RAPGEF4: variants seen among roughly 807,000 people sequenced by gnomAD.
RAPGEF4 encodes Rap guanine nucleotide exchange factor 4, also known as RAP guanine-nucleotide-exchange factor (GEF) 4.
A neutral mutation model predicts 147.9 loss-of-function variants in RAPGEF4; 66 were observed. The ratio of observed to expected loss-of-function variants is 0.45; its 90% CI spans 0.37 to 0.55. The LOEUF is 0.55. Ranked by LOEUF, RAPGEF4 falls within the 20% of genes least tolerant of loss-of-function variation. RAPGEF4 has a pLI of 0.00. For synonymous variants in RAPGEF4, 419 were observed against 442.7 expected, an observed-to-expected ratio of 0.95 and a Z score of 0.67; for missense variants, 1,071 against 1,257.3, an observed-to-expected ratio of 0.85 and a Z score of 2.24.
At chr2:172,935,814 A>G (rs1296893367) in intron 6 of RAPGEF4, among the ~76,000 whole-genome samples, 2 of 152,238 alleles carry the variant, frequency 1.3e-5, no homozygotes, top group Non-Finnish European at 2.9e-5. Flanking sequence ...TTAGATGTGG[A>G]TGCTCCAACA....
At chr2:172,850,992 T>A (rs1692753449) in intron 4 of RAPGEF4, among the ~76,000 whole-genome samples, 2 of 152,176 alleles carry the variant, frequency 1.3e-5, no homozygotes, top group African/African-American at 4.8e-5. Flanking sequence ...AGCTTTGGGG[T>A]TGGTTCACTC....
chr2:172,914,702 G>A (rs1683857132), intron 4 of RAPGEF4, among the ~76,000 whole-genome samples: 1 of 152,124 alleles, frequency 6.6e-6, no homozygotes, highest in African/African-American at 2.4e-5. Context: ...TTTCCAAATT[G>A]CCTGCCTCTG....
At chr2:172,839,984 A>G (rs777548799) in intron 4 of RAPGEF4, among the ~76,000 whole-genome samples, 22 of 152,204 alleles carry the variant, frequency 1.4e-4, no homozygotes, top group Non-Finnish European at 2.9e-4. Flanking sequence ...AATGATCAAT[A>G]TCATATTTTC....
rs1695508093 is a variant in RAPGEF4 at position 173,016,342 on chromosome 2, A to G, written c.1810-7A>G. 6 of 1,606,102 alleles carry G rather than the reference A, an allele frequency of 3.7e-6. No individual in the cohort carries two copies. Among genetic ancestry groups the G allele is most frequent in the Non-Finnish European group, 5.1e-6 (6 of 1,172,894 alleles). Reference sequence around the variant, plus strand: ...TGTTAAAAGCCTGTGACTTTTGCCAATTACAGGAGTTTTATGTATCTGTAT... The same window carrying G: ...TGTTAAAAGCCTGTGACTTTTGCCAGTTACAGGAGTTTTATGTATCTGTAT... On this transcript the variant is annotated splice_polypyrimidine_tract_variant and splice_region_variant and intron_variant, in intron 18 of 30. Coordinates refer to ENST00000397081, the MANE Select transcript of RAPGEF4 (RefSeq NM_007023.4).
intron 3 of RAPGEF4, among the ~76,000 whole-genome samples, chr2:172,812,594 AAT>A (rs1688128305): frequency 6.6e-6 from 1 of 152,214 alleles, no homozygotes; most frequent in African/African-American, 2.4e-5. Context: ...AAGACTGATT[AAT>A]CCATAAACTG....
At chr2:172,965,822 A>G (rs901635644) in intron 9 of RAPGEF4, 139 bp downstream of exon 9, 32 of 1,064,376 alleles carry the variant, frequency 3.0e-5, no homozygotes, top group Admixed American at 2.3e-4. Flanking sequence ...ATCTTCATTT[A>G]GCAATACAAA....
At chr2:172,796,338 C>T (rs1686359892) in intron 2 of RAPGEF4, among the ~76,000 whole-genome samples, 1 of 152,116 alleles carries the variant, frequency 6.6e-6, no homozygotes, top group African/African-American at 2.4e-5. Flanking sequence ...GTAATCCCAG[C>T]ACTTTGGGAG....
intron 6 of RAPGEF4, among the ~76,000 whole-genome samples, chr2:172,955,393 C>T (rs76673158): frequency 0.02 from 3,116 of 152,234 alleles, 98 homozygotes; most frequent in African/African-American, 0.069. Flanking sequence ...AAAGAGCATC[C>T]CCTTTCCAGA....
intron 5 of RAPGEF4, among the ~76,000 whole-genome samples, chr2:172,918,195 C>T (rs1305505276): frequency 1.3e-5 from 2 of 149,410 alleles, no homozygotes; most frequent in Admixed American, 6.7e-5. Flanking sequence ...AAGGGATGCA[C>T]GAACTGTATT....
intron 4 of RAPGEF4, among the ~76,000 whole-genome samples, chr2:172,870,249 C>T (rs72908230): frequency 0.017 from 2,598 of 152,298 alleles, 31 homozygotes; most frequent in Admixed American, 0.033. Context: ...ACCCGGTACA[C>T]TATACTGTAT....
intron 1 of RAPGEF4, among the ~76,000 whole-genome samples, chr2:172,767,582 A>G (rs1185583622): frequency 1.3e-5 from 2 of 152,224 alleles, no homozygotes; most frequent in Non-Finnish European, 2.9e-5. Context: ...CTAAAGAAAA[A>G]TAACCTAAAG....
chr2:172,863,012 G>A (rs3769291), intron 4 of RAPGEF4, among the ~76,000 whole-genome samples: 1,680 of 152,174 alleles, frequency 0.011, 30 homozygotes, highest in East Asian at 0.082. Flanking sequence ...ACCTGAGACA[G>A]GATGGTGCCT....
intron 22 of RAPGEF4, among the ~76,000 whole-genome samples, chr2:173,019,722 C>T (rs116216072): frequency 0.033 from 5,056 of 152,274 alleles, 283 homozygotes; most frequent in African/African-American, 0.12. Context: ...TGTCTGCCCT[C>T]CCTGACCCCT....
chr2:172,899,601 A>G (rs530165751), intron 4 of RAPGEF4, among the ~76,000 whole-genome samples: 1 of 152,296 alleles, frequency 6.6e-6, no homozygotes, highest in Non-Finnish European at 1.5e-5. Flanking sequence ...TCCAAATGAC[A>G]GTGCCACAGG....
In RAPGEF4 at chr2:172,739,079, A is replaced by G. The variant is rs1023589617; in HGVS notation, c.65+3031A>G. Among the ~76,000 whole-genome samples, 6 of 152,202 alleles carry G rather than the reference A, an allele frequency of 3.9e-5. No individual in the cohort carries two copies. In the East Asian group the frequency reaches 1.2e-3, roughly 29 times the overall value. On this transcript the variant is annotated intron_variant, in intron 1 of 30. Coordinates refer to ENST00000397081, the MANE Select transcript of RAPGEF4 (RefSeq NM_007023.4). Reference sequence around the variant, plus strand: ...GCTTTTTATGTATCAATCATCCACCATCTTGGACTATGGTGGGACTGAGGA... The same window carrying G: ...GCTTTTTATGTATCAATCATCCACCGTCTTGGACTATGGTGGGACTGAGGA...
chr2:172,905,816 G>A (rs767220164), intron 4 of RAPGEF4, among the ~76,000 whole-genome samples: 1 of 152,234 alleles, frequency 6.6e-6, no homozygotes, highest in Non-Finnish European at 1.5e-5. Context: ...AGGTATCACT[G>A]AAAGGGCTTC....
At chr2:172,750,118 G>A (rs1436991723) in intron 1 of RAPGEF4, among the ~76,000 whole-genome samples, 1 of 152,016 alleles carries the variant, frequency 6.6e-6, no homozygotes, top group Non-Finnish European at 1.5e-5. Flanking sequence ...CTTCTTCTGA[G>A]CCCTCCAAAC....
chr2:172,742,873 G>C (rs919580257), intron 1 of RAPGEF4, among the ~76,000 whole-genome samples: 1 of 152,118 alleles, frequency 6.6e-6, no homozygotes, highest in Non-Finnish European at 1.5e-5. Context: ...ATGCAGCCTG[G>C]GAGCTGGAAA....
chr2:173,009,293 G>A (rs1694788236), intron 17 of RAPGEF4, among the ~76,000 whole-genome samples: 1 of 152,102 alleles, frequency 6.6e-6, no homozygotes, highest in Non-Finnish European at 1.5e-5. Flanking sequence ...TTTTAGAAAA[G>A]TGCATTAGAT....
Sources: gnomAD v4.1 joint callset for allele counts (sites outside exome capture counted in the v4.1 genomes callset) on GRCh38, gnomAD v4.1.1 for gene constraint, MANE v1.5 for transcripts, NCBI Gene and HGNC (gene_info 2026-07-23, HGNC 2026-07-21) for gene names.